PDE4D: variants seen among roughly 807,000 people sequenced by gnomAD.
PDE4D encodes 3',5'-cyclic-AMP phosphodiesterase 4D.
PDE4D carries 24 observed loss-of-function variants against 87.4 expected under a neutral mutation model. The ratio of observed to expected loss-of-function variants is 0.27; its 90% CI spans 0.20 to 0.39. The LOEUF is 0.39. Among genes scored for constraint, PDE4D ranks in the 10% least tolerant of loss-of-function variants. The probability of loss-of-function intolerance (pLI) is 1.00; values close to 1 mark genes in which losing one functional copy is unlikely to be tolerated. For missense variants in PDE4D, 714 were observed against 1,041.0 expected (o/e 0.69, Z 4.32); for synonymous variants, 384 against 383.2 (o/e 1.00, Z -0.02).
At chr5:60,335,708 T>A (rs1729013053) in intron 1 of PDE4D, among the ~76,000 whole-genome samples, 1 of 152,024 alleles carries the variant, frequency 6.6e-6, no homozygotes, top group Non-Finnish European at 1.5e-5. Context: ...CTGTTAGAAA[T>A]TATTCTAGTG....
chr5:59,029,682 G>T (rs1052327617), intron 6 of PDE4D, among the ~76,000 whole-genome samples: 8 of 149,758 alleles, frequency 5.3e-5, no homozygotes, highest in African/African-American at 2.0e-4. Flanking sequence ...CAGAAATAGA[G>T]AAAAAAATCT....
intron 1 of PDE4D, among the ~76,000 whole-genome samples, chr5:59,289,149 A>G (rs1767531930): frequency 6.6e-6 from 1 of 152,088 alleles, no homozygotes; most frequent in Non-Finnish European, 1.5e-5. Context: ...TTTTTGAAAT[A>G]CAGACAATAC....
At chr5:60,428,689 T>A (rs527735477) in intron 1 of PDE4D, among the ~76,000 whole-genome samples, 1 of 152,232 alleles carries the variant, frequency 6.6e-6, no homozygotes, top group South Asian at 2.1e-4. Flanking sequence ...AGAATTTTCA[T>A]AATGTAGGTA....
intron 1 of PDE4D, among the ~76,000 whole-genome samples, chr5:60,294,377 G>T (rs1056197106): frequency 6.6e-6 from 1 of 152,036 alleles, no homozygotes; most frequent in Non-Finnish European, 1.5e-5. Flanking sequence ...TCCTGTTAGT[G>T]GCTCTCTTAC....
intron 2 of PDE4D, among the ~76,000 whole-genome samples, chr5:59,991,704 T>C (rs1763022404): frequency 6.6e-6 from 1 of 152,134 alleles, no homozygotes; most frequent in Non-Finnish European, 1.5e-5. Context: ...ACAGAAAGCA[T>C]ATGCACTTGG....
At chr5:59,202,656 T>G (rs1747764022) in intron 2 of PDE4D, among the ~76,000 whole-genome samples, 1 of 152,130 alleles carries the variant, frequency 6.6e-6, no homozygotes, top group Non-Finnish European at 1.5e-5. Flanking sequence ...TGGTCTTTCC[T>G]GCGTTGTTCT....
intron 1 of PDE4D, among the ~76,000 whole-genome samples, chr5:59,591,003 C>T (rs1825848458): frequency 1.3e-5 from 2 of 151,982 alleles, no homozygotes; most frequent in Non-Finnish European, 2.9e-5. Context: ...TTCTGGGAAC[C>T]CTATGGTTTT....
At chr5:59,952,998 C>G (rs914445088) in intron 3 of PDE4D, among the ~76,000 whole-genome samples, 1 of 152,048 alleles carries the variant, frequency 6.6e-6, no homozygotes, top group Admixed American at 6.6e-5. Context: ...ACTTTATATG[C>G]AGAAATAGAA....
chr5:59,657,211 A>G (rs1744507029), intron 1 of PDE4D, among the ~76,000 whole-genome samples: 1 of 152,216 alleles, frequency 6.6e-6, no homozygotes, highest in South Asian at 2.1e-4. Flanking sequence ...GAATATGACC[A>G]TTTGCTATGT....
chr5:60,350,285 G>C (rs1029965687), intron 1 of PDE4D, among the ~76,000 whole-genome samples: 4 of 152,174 alleles, frequency 2.6e-5, no homozygotes, highest in Non-Finnish European at 4.4e-5. Context: ...TCTTCCCACA[G>C]ATGACTCCTG....
At chr5:59,221,093 G>C (rs1373877743) in intron 1 of PDE4D, among the ~76,000 whole-genome samples, 1 of 151,972 alleles carries the variant, frequency 6.6e-6, no homozygotes, top group Non-Finnish European at 1.5e-5. Context: ...TCGACCATGG[G>C]GACTCTGAGG....
At chr5:59,016,303 C>T (rs1425619908) in intron 6 of PDE4D, among the ~76,000 whole-genome samples, 1 of 150,154 alleles carries the variant, frequency 6.7e-6, no homozygotes, top group Non-Finnish European at 1.5e-5. Context: ...TAGATAGTCC[C>T]AACCGCTGTA....
At chr5:59,528,962 C>A in intron 1 of PDE4D, 1 of 445,004 alleles carries the variant, frequency 2.2e-6, no homozygotes. Flanking sequence ...CAGATGCAAG[C>A]TGAACGGTTG....
chr5:59,513,781 G>C (rs1284092813), intron 1 of PDE4D, among the ~76,000 whole-genome samples: 9 of 152,156 alleles, frequency 5.9e-5, no homozygotes, highest in Non-Finnish European at 1.0e-4. Flanking sequence ...AAATAAACAC[G>C]CTTCATTGTG....
At chr5:60,118,561 TTGTGTGTG>T (rs34503506) in intron 2 of PDE4D, among the ~76,000 whole-genome samples, 12 of 144,210 alleles carry the variant, frequency 8.3e-5, no homozygotes, top group Admixed American at 4.2e-4. Flanking sequence ...TGGATGTAGG[TTGTGTGTG>T]TGTGTGTGTG....
At chr5:60,393,600 A>G (rs1042486459) in intron 1 of PDE4D, among the ~76,000 whole-genome samples, 1 of 152,220 alleles carries the variant, frequency 6.6e-6, no homozygotes, top group South Asian at 2.1e-4. Flanking sequence ...AGGACTTGGC[A>G]ATGTGAATTT....
At chr5:59,622,796 A>G (rs1830491234) in intron 1 of PDE4D, among the ~76,000 whole-genome samples, 1 of 152,232 alleles carries the variant, frequency 6.6e-6, no homozygotes, top group Non-Finnish European at 1.5e-5. Context: ...GTAAACTCAA[A>G]GAAGTACTTT....
intron 2 of PDE4D, among the ~76,000 whole-genome samples, chr5:59,996,862 T>A (rs1170654747): frequency 6.6e-6 from 1 of 152,124 alleles, no homozygotes; most frequent in Non-Finnish European, 1.5e-5. Flanking sequence ...AACACAAAGA[T>A]AACAGATAGG....
intron 1 of PDE4D, among the ~76,000 whole-genome samples, chr5:59,471,150 C>G (rs1227572136): frequency 6.6e-6 from 1 of 152,094 alleles, no homozygotes; most frequent in Non-Finnish European, 1.5e-5. Flanking sequence ...GAGGCAGAGG[C>G]AGGAGGACTG....
Sources: gnomAD v4.1 joint callset for allele counts (sites outside exome capture counted in the v4.1 genomes callset) on GRCh38, gnomAD v4.1.1 for gene constraint, MANE v1.5 for transcripts, NCBI Gene and HGNC (gene_info 2026-07-23, HGNC 2026-07-21) for gene names.